Variants in APOL3 observed in about 807,000 individuals in gnomAD.
The protein encoded by APOL3 is TNF-inducible protein CG12-1.
APOL3 carries 14 observed loss-of-function variants against 11.6 expected under a neutral mutation model. That is an observed-to-expected ratio of 1.21 (90% CI 0.80 to 1.89). The LOEUF is 1.89. Ranked by LOEUF, APOL3 falls within the 40% of genes most tolerant of loss-of-function variation. The pLI is 0.00. For synonymous variants in APOL3, 192 were observed against 190.6 expected (o/e 1.01, Z -0.06); for missense variants, 483 against 492.1 (o/e 0.98, Z 0.17).
rs1169181593 is a variant in APOL3 at position 36,141,874 on chromosome 22, C to A, written c.535G>T (p.Glu179Ter). 1 of 1,614,220 alleles carries A rather than the reference C, an allele frequency of 6.2e-7. No individual in the cohort carries two copies. Among genetic ancestry groups the A allele is most frequent in the South Asian group, 1.1e-5 (1 of 91,086 alleles). The change falls in exon 3 of 3, where the codon GAG becomes TAG. Residue 179 changes from glutamate to a stop codon, truncating the protein, a stop_gained. Coordinates refer to ENST00000349314, the Ensembl canonical transcript of APOL3. LOFTEE classifies it low-confidence loss of function (END_TRUNC). ...GAGATGGTGCAGCCTCTGTGGACCT[C>A]TTCAATACCATTTGCAAGGGCACGA...
At chr22:36,161,089 A>G (rs1432394471), upstream of APOL3, among the ~76,000 whole-genome samples, 1 of 152,104 alleles carries the variant, frequency 6.6e-6, no homozygotes, top group African/African-American at 2.4e-5. Context: ...CACTCCCCAG[A>G]TGCCCACCTC....
At chr22:36,154,548 C>T (rs1397161026) in intron 1 of APOL3, 15 of 460,258 alleles carry the variant, frequency 3.3e-5, no homozygotes, top group Admixed American at 7.5e-5. Flanking sequence ...TGTTCCTGTT[C>T]GTAAGTGTTG....
intron 1 of APOL3, among the ~76,000 whole-genome samples, chr22:36,155,300 G>T (rs746599702): frequency 4.2e-4 from 64 of 152,308 alleles, no homozygotes; most frequent in Non-Finnish European, 7.5e-4. Context: ...TCCAGCCGCT[G>T]GTCTTTGCTC....
intron 1 of APOL3, among the ~76,000 whole-genome samples, chr22:36,147,287 G>A (rs535028439): frequency 1.3e-5 from 2 of 152,280 alleles, no homozygotes; most frequent in African/African-American, 2.4e-5. Context: ...TTCTTTAGGC[G>A]GGCAGGGGAG....
exon 2 of APOL3, chr22:36,145,553 T>C: frequency 6.2e-7 from 1 of 1,614,186 alleles, no homozygotes; most frequent in Non-Finnish European, 8.5e-7. Flanking sequence ...CTGGGCTGAC[T>C]CTCTCCCGGA....
chr22:36,143,717 C>T (rs148621999), intron 2 of APOL3, among the ~76,000 whole-genome samples: 1 of 152,364 alleles, frequency 6.6e-6, no homozygotes, highest in Non-Finnish European at 1.5e-5. Flanking sequence ...GCCTCCTGAC[C>T]TGGCACCTCC....
chr22:36,149,622 C>A (rs1221262507), intron 1 of APOL3: 3 of 359,232 alleles, frequency 8.4e-6, no homozygotes, highest in Non-Finnish European at 1.1e-5. Context: ...CCGTGGCTCC[C>A]ATTTTGAAAC....
intron 1 of APOL3, among the ~76,000 whole-genome samples, chr22:36,158,632 A>T (rs1353920203): frequency 6.6e-6 from 1 of 152,154 alleles, no homozygotes; most frequent in Admixed American, 6.5e-5. Context: ...ATCCTGGCTA[A>T]CATGGTGAAA....
At chr22:36,155,409 C>T (rs1396756690) in intron 1 of APOL3, among the ~76,000 whole-genome samples, 2 of 152,174 alleles carry the variant, frequency 1.3e-5, no homozygotes, top group Non-Finnish European at 2.9e-5. Flanking sequence ...AAGCCTCTCA[C>T]CTCCCTCTTC....
chr22:36,147,364 G>A (rs2060258037), intron 1 of APOL3, among the ~76,000 whole-genome samples: 1 of 152,152 alleles, frequency 6.6e-6, no homozygotes, highest in Non-Finnish European at 1.5e-5. Flanking sequence ...GCTGGTCTCA[G>A]GGGACATGGC....
intron 1 of APOL3, 184 bp from the exon 2 acceptor site, chr22:36,149,326 A>G (rs1313243980): frequency 1.5e-6 from 2 of 1,306,188 alleles, no homozygotes; most frequent in African/African-American, 1.5e-5. Context: ...TACTTGCTCC[A>G]GCTCCCTCTG....
upstream of APOL3, among the ~76,000 whole-genome samples, chr22:36,163,673 G>A (rs1403889997): frequency 6.6e-6 from 1 of 152,236 alleles, no homozygotes. Context: ...CCCCAGGGGA[G>A]GCGGAGCCTC....
chr22:36,160,652 G>A lies in APOL3; in HGVS notation c.223+17C>T. The A allele has an allele frequency of 6.2e-7, 1 of 1,613,220 alleles. No individual in the cohort carries two copies. The highest frequency in any genetic ancestry group is 8.5e-7 in the Non-Finnish European group (1 of 1,179,432). On this transcript the variant is annotated intron_variant, in intron 1 of 2. Transcript: ENST00000349314. ...GAGGATGGGGAGATGGGGAAGGTCA[G>A]ACCACCCCTAACTTACCAAGGAAGC...
chr22:36,151,109 C>T (rs1223015196), intron 1 of APOL3, among the ~76,000 whole-genome samples: 1 of 152,124 alleles, frequency 6.6e-6, no homozygotes, highest in Non-Finnish European at 1.5e-5. Context: ...ATACAGGATT[C>T]ACAGTAGCCG....
chr22:36,147,318 C>T (rs1368192648), intron 1 of APOL3, among the ~76,000 whole-genome samples: 1 of 152,138 alleles, frequency 6.6e-6, no homozygotes, highest in Non-Finnish European at 1.5e-5. Context: ...AGCACTGATC[C>T]CTGTGGCCCT....
chr22:36,147,860 C>G (rs893168992), intron 1 of APOL3, among the ~76,000 whole-genome samples: 6 of 152,100 alleles, frequency 3.9e-5, no homozygotes, highest in Non-Finnish European at 5.9e-5. Flanking sequence ...AGGCTGTAAC[C>G]CCCCTTAAAC....
intron 2 of APOL3, among the ~76,000 whole-genome samples, chr22:36,143,084 C>T (rs1395831295): frequency 1.3e-5 from 2 of 152,202 alleles, no homozygotes; most frequent in Non-Finnish European, 2.9e-5. Flanking sequence ...GCTGTGACTC[C>T]CCCTCTGTCT....
chr22:36,154,195 C>G (rs777146713), intron 1 of APOL3, among the ~76,000 whole-genome samples: 2 of 152,170 alleles, frequency 1.3e-5, no homozygotes, highest in African/African-American at 2.4e-5. Flanking sequence ...ATGGCCTGAA[C>G]CAGTCTTTCA....
At chr22:36,162,518 T>C (rs117545807), upstream of APOL3, among the ~76,000 whole-genome samples, 2 of 152,264 alleles carry the variant, frequency 1.3e-5, no homozygotes, top group East Asian at 1.9e-4. Flanking sequence ...TCAGATGACA[T>C]CGTCCTTTAC....
Sources: allele counts gnomAD v4.1 joint callset (sites outside exome capture counted in the v4.1 genomes callset), GRCh38; gene constraint gnomAD v4.1.1; transcripts MANE v1.5; gene names NCBI Gene and HGNC (gene_info 2026-07-23, HGNC 2026-07-21).